HEPHL1: variants seen among roughly 807,000 people sequenced by gnomAD.
The protein encoded by HEPHL1 is hephaestin like 1, also known as ferroxidase HEPHL1.
In HEPHL1, 123 loss-of-function variants were observed where a neutral mutation model predicts 122.0. That is an observed-to-expected ratio of 1.01 (90% confidence interval 0.87 to 1.17). The LOEUF is 1.17. Ranked by LOEUF, HEPHL1 falls within the 50% of genes most tolerant of loss-of-function variation. The pLI is 0.00. For missense variants in HEPHL1, 1,452 were observed against 1,430.5 expected (o/e 1.01, Z -0.24); for synonymous variants, 527 against 508.9 (o/e 1.04, Z -0.48).
Position 94,106,293 on chromosome 11 carries a change from C to CT in HEPHL1, c.3045+180dup, listed in dbSNP as rs11315401. ...CGTTTCCCTGGTGGATATTTCTTTT[C>CT]TTTTTTTTTTTTTTTTTGAGACGGA... On this transcript the variant is annotated intron_variant, in intron 17 of 19. Transcript: ENST00000315765. Among the ~76,000 whole-genome samples, 530 of 121,936 alleles carry CT rather than the reference C, an allele frequency of 4.3e-3. 2 individuals are homozygous for CT. Among genetic ancestry groups the CT allele is most frequent in the South Asian group, 6.6e-3 (26 of 3,956 alleles). 80.0% of individuals were successfully genotyped at this position (121,936 alleles called of 152,430 possible).
chr11:94,064,043 T>C (rs553206209), intron 3 of HEPHL1, among the ~76,000 whole-genome samples: 9 of 152,242 alleles, frequency 5.9e-5, no homozygotes, highest in African/African-American at 9.6e-5. Flanking sequence ...ATTTGCTATT[T>C]TATCCCTTAT....
chr11:94,043,225 A>G (rs1426298875), intron 1 of HEPHL1, among the ~76,000 whole-genome samples: 1 of 152,196 alleles, frequency 6.6e-6, no homozygotes, highest in East Asian at 1.9e-4. Flanking sequence ...ATTAGAGGGG[A>G]AAAAGTCAAT....
At position 94,093,616 on chromosome 11, in the gene HEPHL1, CGAG is replaced by C; in HGVS notation, c.2411_2413del (p.Arg804_Glu805delinsGln). 1 of 1,613,496 alleles carries C rather than the reference CGAG, an allele frequency of 6.2e-7. No homozygotes were observed. Among genetic ancestry groups the C allele is most frequent in the South Asian group, 1.1e-5 (1 of 91,020 alleles). ...TGTGGAGATCAAAGCCCGACCACCACGAGAGGAGCACTTAGAACTCCTGGGTAT... is the reference window on the plus strand; with the variant it reads ...TGTGGAGATCAAAGCCCGACCACCACAGGAGCACTTAGAACTCCTGGGTAT... On this transcript the variant is annotated inframe_deletion, in exon 13 of 20. Transcript: ENST00000315765.
At chr11:94,110,360 C>T (rs987399411) in intron 17 of HEPHL1, among the ~76,000 whole-genome samples, 3 of 152,210 alleles carry the variant, frequency 2.0e-5, no homozygotes, top group South Asian at 4.2e-4. Context: ...ATCAAGATGT[C>T]GACTGGAGCT....
intron 13 of HEPHL1, among the ~76,000 whole-genome samples, chr11:94,099,615 A>G (rs1946350416): frequency 6.6e-6 from 1 of 152,156 alleles, no homozygotes; most frequent in Admixed American, 6.5e-5. Context: ...CCAGGGGTGG[A>G]GTCTACAGAG....
chr11:94,052,001 T>C lies in HEPHL1; in HGVS notation c.415+6084T>C, dbSNP rs150050590. On this transcript the variant is annotated intron_variant, in intron 2 of 19. Coordinates refer to ENST00000315765, the MANE Select transcript of HEPHL1 (RefSeq NM_001098672.2). ...CTATTCTGTTCCATTTGTCTGTGTG[T>C]CTGTTTTTATGCCAGTACCATGCCA... Among the ~76,000 whole-genome samples, 460 of 152,240 alleles carry C rather than the reference T, an allele frequency of 3.0e-3. 4 individuals are homozygous for C. Among genetic ancestry groups the C allele is most frequent in the African/African-American group, 0.01 (425 of 41,534 alleles).
chr11:94,081,958 T>C (rs1946173786), intron 9 of HEPHL1, among the ~76,000 whole-genome samples: 1 of 152,112 alleles, frequency 6.6e-6, no homozygotes, highest in Non-Finnish European at 1.5e-5. Context: ...AGGGAGTTCT[T>C]CAATTCATGT....
chr11:94,077,735 C>T (rs534637986), intron 9 of HEPHL1, among the ~76,000 whole-genome samples: 1 of 152,208 alleles, frequency 6.6e-6, no homozygotes, highest in South Asian at 2.1e-4. Context: ...ATGCCCCAGC[C>T]TCTTGTTCCC....
intron 4 of HEPHL1, among the ~76,000 whole-genome samples, chr11:94,065,443 C>T (rs1452996177): frequency 2.6e-5 from 4 of 152,130 alleles, no homozygotes; most frequent in Non-Finnish European, 5.9e-5. Flanking sequence ...AGTCCCATAG[C>T]AAATAAATGT....
At chr11:94,078,501 AT>A (rs1946145251) in intron 9 of HEPHL1, among the ~76,000 whole-genome samples, 1 of 149,696 alleles carries the variant, frequency 6.7e-6, no homozygotes, top group Non-Finnish European at 1.5e-5. Flanking sequence ...ACAGAGAGAT[AT>A]TTATTATGAG....
intron 1 of HEPHL1, among the ~76,000 whole-genome samples, chr11:94,038,763 AT>A (rs2134410255): frequency 6.9e-6 from 1 of 145,510 alleles, no homozygotes; most frequent in South Asian, 2.3e-4. Context: ...CCGCTGCAAA[AT>A]CATGCCAAAA....
Position 94,064,376 on chromosome 11 carries a change from A to T in HEPHL1, c.674A>T (p.Glu225Val), listed in dbSNP as rs898154447. 1.9e-6 allele frequency: 3 copies of T among 1,613,270 alleles called. No homozygotes were observed. Among genetic ancestry groups the T allele is most frequent in the Non-Finnish European group, 2.5e-6 (3 of 1,179,424 alleles). The change falls in exon 4 of 20, where the codon GAG (glutamate) becomes GTG (valine). Residue 225 changes from glutamate (E) to valine (V), a missense_variant. Physicochemically the swap from Glu to Val is moderately radical, Grantham distance 121 (BLOSUM62 -2). Transcript: ENST00000315765. The stretch of plus-strand genomic sequence containing the variant: ...GGGACACGGAATGATGTGGATCGAG[A>T]GTTTGTTATAATGTTTACTCTTGTG... ...YSGTRNDVDREFVIMFTLVDE... is the reference protein window; with the variant it reads ...YSGTRNDVDRVFVIMFTLVDE...
Position 94,063,524 on chromosome 11 carries a change from T to C in HEPHL1, c.432T>C (p.Asp144=). ...TTTTGGAAGGAGCCCTATACCCAGA[T>C]GGAACATCTGGAAGGAACAAAAATG... ...NKDSEGALYP[D]GTSGRNKNDD... The change falls in exon 3 of 20, where the codon GAT becomes GAC. Residue 144 remains aspartate, a synonymous_variant. Transcript: ENST00000315765. 6.2e-7 allele frequency: 1 copy of C among 1,609,356 alleles called. No homozygotes were observed. Among genetic ancestry groups the C allele is most frequent in the South Asian group, 1.1e-5 (1 of 90,568 alleles).
chr11:94,086,681 G>T (rs1591482846), intron 11 of HEPHL1, among the ~76,000 whole-genome samples: 1 of 152,144 alleles, frequency 6.6e-6, no homozygotes, highest in East Asian at 1.9e-4. Flanking sequence ...CATTCTGTTG[G>T]GCACCCTTGG....
intron 13 of HEPHL1, among the ~76,000 whole-genome samples, chr11:94,098,264 A>G (rs1324575700): frequency 2.0e-5 from 3 of 151,460 alleles, no homozygotes; most frequent in Non-Finnish European, 4.4e-5. Flanking sequence ...TTATTTCTCC[A>G]CTTATGAAGC....
intron 17 of HEPHL1, among the ~76,000 whole-genome samples, chr11:94,106,746 A>G (rs762368852): frequency 6.6e-6 from 1 of 152,214 alleles, no homozygotes; most frequent in Non-Finnish European, 1.5e-5. Flanking sequence ...GGACACTGAC[A>G]GCATTCGTCC....
At chr11:94,069,910 G>A (rs917949011) in intron 5 of HEPHL1, among the ~76,000 whole-genome samples, 4 of 151,944 alleles carry the variant, frequency 2.6e-5, no homozygotes, top group South Asian at 4.2e-4. Context: ...TCTTCTACAC[G>A]AAGTGTATGA....
chr11:94,079,685 G>A (rs959490326), intron 9 of HEPHL1, among the ~76,000 whole-genome samples: 24 of 152,214 alleles, frequency 1.6e-4, no homozygotes, highest in Non-Finnish European at 3.4e-4. Flanking sequence ...GTGACAAGGA[G>A]CTTGGCCTTG....
intron 1 of HEPHL1, among the ~76,000 whole-genome samples, chr11:94,039,505 A>G (rs1295285932): frequency 2.7e-5 from 4 of 150,604 alleles, no homozygotes; most frequent in South Asian, 2.1e-4. Flanking sequence ...AAAGAACAGA[A>G]ATTATAACAA....
Sources: allele counts gnomAD v4.1 joint callset (sites outside exome capture counted in the v4.1 genomes callset), GRCh38; gene constraint gnomAD v4.1.1; transcripts MANE v1.5; gene names NCBI Gene and HGNC (gene_info 2026-07-23, HGNC 2026-07-21).